The following LOC128125822 variants were observed in gnomAD, a reference collection of about 807,000 sequenced individuals.
At chr6:63,582,375 TTTGGA>T in the LOC128125822 span, 5 of 152,628 alleles carry the variant, frequency 3.3e-5, no homozygotes, top group Admixed American at 1.3e-4. Flanking sequence ...ATTTGCAGTG[TTTGGA>T]TTGTATATAT....
chr6:63,574,491 C>T, the LOC128125822 span, among the ~76,000 whole-genome samples: 1 of 152,122 alleles, frequency 6.6e-6, no homozygotes, highest in Non-Finnish European at 1.5e-5. Flanking sequence ...TCCCCCCATC[C>T]ACTAGGTGGC....
the LOC128125822 span, among the ~76,000 whole-genome samples, chr6:63,572,875 T>C: frequency 8.5e-5 from 13 of 152,090 alleles, no homozygotes; most frequent in East Asian, 2.1e-3. Context: ...GTTATGGCCC[T>C]GTGGCCGGCC....
At chr6:63,579,260 TCCAGTACTTGTTGCC>T in the LOC128125822 span, 1 of 1,608,964 alleles carries the variant, frequency 6.2e-7, no homozygotes. Context: ...TCACCAGAGC[TCCAGTACTTGTTGCC>T]CTAGCATTAA....
the LOC128125822 span, chr6:63,579,359 T>C: frequency 1.1e-5 from 16 of 1,520,650 alleles, no homozygotes; most frequent in Admixed American, 2.2e-4. Context: ...TTTTCATTTG[T>C]ACTCTCTTTC....
the LOC128125822 span, chr6:63,579,990 A>G: frequency 6.0e-6 from 7 of 1,175,350 alleles, no homozygotes; most frequent in South Asian, 1.3e-5. Flanking sequence ...ATGGTTGTCT[A>G]TAAGACACTA....
chr6:63,578,608 C>A, the LOC128125822 span: 15 of 1,509,102 alleles, frequency 9.9e-6, no homozygotes, highest in East Asian at 3.5e-4. Flanking sequence ...AAATAAATAT[C>A]TATTTAAGTC....
At chr6:63,578,452 G>A in the LOC128125822 span, 9 of 1,608,214 alleles carry the variant, frequency 5.6e-6, no homozygotes, top group Non-Finnish European at 7.6e-6. Flanking sequence ...TAAGAAGTAT[G>A]GAGTTACCAC....
the LOC128125822 span, among the ~76,000 whole-genome samples, chr6:63,577,142 A>G: frequency 1.5e-4 from 23 of 152,338 alleles, no homozygotes; most frequent in East Asian, 4.4e-3. Flanking sequence ...GGTTAGAGGT[A>G]TATTTGTACA....
the LOC128125822 span, chr6:63,573,517 C>A: frequency 6.6e-6 from 1 of 152,348 alleles, no homozygotes; most frequent in East Asian, 1.9e-4. Context: ...GCGCAGCGGG[C>A]GTGCTCGGGC....
At chr6:63,576,851 C>T in the LOC128125822 span, 1 of 1,551,056 alleles carries the variant, frequency 6.4e-7, no homozygotes, top group Non-Finnish European at 8.9e-7. Flanking sequence ...TATTTCATAA[C>T]CCTATTGAGT....
the LOC128125822 span, chr6:63,578,318 C>CTTTAAATGATCTTCTG: frequency 5.0e-6 from 6 of 1,210,612 alleles, no homozygotes; most frequent in Non-Finnish European, 6.4e-6. Context: ...TTCTAGCATT[C>CTTTAAATGATCTTCTG]TTTAAATGAT....
At chr6:63,574,649 G>C in the LOC128125822 span, among the ~76,000 whole-genome samples, 2 of 152,182 alleles carry the variant, frequency 1.3e-5, no homozygotes, top group African/African-American at 4.8e-5. Flanking sequence ...TATGGAAATA[G>C]TGGTGTGAAA....
At chr6:63,579,213 T>A in the LOC128125822 span, 3 of 1,547,876 alleles carry the variant, frequency 1.9e-6, no homozygotes, top group African/African-American at 1.4e-5. Context: ...TTTACAAAGA[T>A]CTGATTTTGA....
the LOC128125822 span, among the ~76,000 whole-genome samples, chr6:63,572,921 C>T: frequency 1.3e-5 from 2 of 152,014 alleles, no homozygotes; most frequent in Admixed American, 1.3e-4. Flanking sequence ...GATGCCGGGC[C>T]CCTCGGGGCT....
At chr6:63,576,237 A>C in the LOC128125822 span, among the ~76,000 whole-genome samples, 2 of 151,990 alleles carry the variant, frequency 1.3e-5, no homozygotes, top group Non-Finnish European at 2.9e-5. Context: ...AGTTTAATCT[A>C]TCTGACTGCT....
At chr6:63,576,672 C>G in the LOC128125822 span, 5 of 579,258 alleles carry the variant, frequency 8.6e-6, no homozygotes, top group Non-Finnish European at 1.2e-5. Context: ...CACTTCTTTT[C>G]TGTTGGCCTC....
At chr6:63,580,033 A>C in the LOC128125822 span, 4 of 1,385,474 alleles carry the variant, frequency 2.9e-6, no homozygotes, top group Non-Finnish European at 4.0e-6. Flanking sequence ...GCCTTGTTTC[A>C]TTTTTTTTTT....
chr6:63,582,371 A>G, the LOC128125822 span: 1 of 152,628 alleles, frequency 6.6e-6, no homozygotes, highest in Non-Finnish European at 1.5e-5. Context: ...ATTAATTTGC[A>G]GTGTTTGGAT....
chr6:63,576,155 G>A, the LOC128125822 span, among the ~76,000 whole-genome samples: 3 of 150,236 alleles, frequency 2.0e-5, no homozygotes, highest in Admixed American at 1.3e-4. Context: ...ATATATATAT[G>A]AATTTCACAA....
Sources: allele counts gnomAD v4.1 joint callset (sites outside exome capture counted in the v4.1 genomes callset), GRCh38; gene constraint gnomAD v4.1.1; transcripts MANE v1.5.